NCKAP5: variants seen among roughly 807,000 people sequenced by gnomAD.
NCKAP5 encodes the protein NCK associated protein 5, also known as nck-associated protein 5.
Under a neutral mutation model 167.0 loss-of-function variants are expected in NCKAP5, and 92 were observed. That is an observed-to-expected ratio of 0.55 (90% confidence interval 0.47 to 0.66). The LOEUF (loss-of-function observed/expected upper bound fraction) is 0.66. Among genes scored for constraint, NCKAP5 ranks in the 30% least tolerant of loss-of-function variants. The pLI, the probability that NCKAP5 is intolerant of heterozygous loss-of-function variation, is 0.00. For missense variants in NCKAP5, 2,378 were observed against 2,315.0 expected (o/e 1.03, Z -0.56); for synonymous variants, 891 against 877.4 (o/e 1.02, Z -0.27).
At chr2:133,248,151 A>G (rs1004684668) in intron 4 of NCKAP5, among the ~76,000 whole-genome samples, 5 of 152,222 alleles carry the variant, frequency 3.3e-5, no homozygotes, top group African/African-American at 9.6e-5. Flanking sequence ...AGCTGGTCAC[A>G]CAACTTTCGT....
At chr2:132,814,029 T>C (rs1686083408) in intron 11 of NCKAP5, among the ~76,000 whole-genome samples, 1 of 152,240 alleles carries the variant, frequency 6.6e-6, no homozygotes, top group South Asian at 2.1e-4. Context: ...CTGGTTTTAC[T>C]AGGACAAGTT....
chr2:133,247,954 T>C (rs1281105055), intron 4 of NCKAP5, among the ~76,000 whole-genome samples: 5 of 152,228 alleles, frequency 3.3e-5, no homozygotes, highest in Non-Finnish European at 7.3e-5. Flanking sequence ...ATTAGCAGTC[T>C]CCCTGCCAAT....
chr2:133,112,552 C>T (rs540458315), intron 6 of NCKAP5, among the ~76,000 whole-genome samples: 1 of 152,190 alleles, frequency 6.6e-6, no homozygotes, highest in Admixed American at 6.5e-5. Flanking sequence ...TCACACACAC[C>T]CTCCAATGTC....
intron 16 of NCKAP5, among the ~76,000 whole-genome samples, chr2:132,739,006 A>G (rs1204677178): frequency 6.6e-6 from 1 of 152,222 alleles, no homozygotes; most frequent in Non-Finnish European, 1.5e-5. Flanking sequence ...TCCAAACTAT[A>G]TAAACTATGC....
intron 3 of NCKAP5, among the ~76,000 whole-genome samples, chr2:133,327,997 T>C (rs1056882016): frequency 1.3e-5 from 2 of 152,096 alleles, no homozygotes; most frequent in Admixed American, 1.3e-4. Flanking sequence ...CCCCAAGTAG[T>C]GCCCAGGTTG....
At chr2:133,090,855 C>G (rs1429844096) in intron 6 of NCKAP5, among the ~76,000 whole-genome samples, 1 of 152,172 alleles carries the variant, frequency 6.6e-6, no homozygotes, top group Non-Finnish European at 1.5e-5. Context: ...CTTCCCTCCA[C>G]TCCACTGTCC....
chr2:132,883,174 C>G (rs1240016185), intron 8 of NCKAP5, among the ~76,000 whole-genome samples: 1 of 149,074 alleles, frequency 6.7e-6, no homozygotes, highest in East Asian at 2.1e-4. Flanking sequence ...TGTACTCCAG[C>G]CTGGGCGACA....
At chr2:132,972,810 C>T (rs1367906838) in intron 7 of NCKAP5, among the ~76,000 whole-genome samples, 1 of 151,276 alleles carries the variant, frequency 6.6e-6, no homozygotes, top group East Asian at 1.9e-4. Context: ...TTGCAGTGAG[C>T]CAATATTACA....
chr2:132,726,132 A>T (rs1690437974), intron 18 of NCKAP5, among the ~76,000 whole-genome samples: 1 of 152,186 alleles, frequency 6.6e-6, no homozygotes, highest in African/African-American at 2.4e-5. Flanking sequence ...TCCAAACCTA[A>T]TGGCTTATTT....
At position 132,916,456 on chromosome 2, in the gene NCKAP5, A is replaced by T. The variant is rs79944228; in HGVS notation, c.580-37540T>A. Among the ~76,000 whole-genome samples the T allele has an allele frequency of 4.7e-3, 710 of 152,218 alleles. 6 individuals carry two copies. The highest frequency in any genetic ancestry group is 0.014 in the Middle Eastern group (4 of 294). ...GGAAAGGTTCCACTGTGACATTACTAACAATCACGTTACAAAAAGGCTTGT... is the reference window on the plus strand; with the variant it reads ...GGAAAGGTTCCACTGTGACATTACTTACAATCACGTTACAAAAAGGCTTGT... On this transcript the variant is annotated intron_variant, in intron 8 of 19. Coordinates refer to ENST00000409261, the MANE Select transcript of NCKAP5 (RefSeq NM_207363.3).
At chr2:133,660,621 A>G in the NCKAP5 span, among the ~76,000 whole-genome samples, 1 of 152,204 alleles carries the variant, frequency 6.6e-6, no homozygotes, top group Non-Finnish European at 1.5e-5. Context: ...TTGCCCAAAG[A>G]TGGATTATGA....
chr2:132,723,140 A>ATT (rs869234028), intron 19 of NCKAP5, among the ~76,000 whole-genome samples: 1,281 of 93,328 alleles, frequency 0.014, 39 homozygotes, highest in African/African-American at 0.042. Context: ...GCCAGGTGGT[A>ATT]TTTTTTTTTT....
At chr2:133,574,537 G>A in the NCKAP5 span, among the ~76,000 whole-genome samples, 1 of 151,986 alleles carries the variant, frequency 6.6e-6, no homozygotes, top group Non-Finnish European at 1.5e-5. Flanking sequence ...ACAAAAATGG[G>A]AGTGGTGGCA....
At chr2:133,435,522 G>C (rs189634710) in intron 3 of NCKAP5, among the ~76,000 whole-genome samples, 6 of 152,306 alleles carry the variant, frequency 3.9e-5, no homozygotes, top group Non-Finnish European at 7.3e-5. Context: ...AGGGCTCACT[G>C]TACTCTAGGT....
chr2:133,203,003 C>A (rs2085769572), intron 5 of NCKAP5, among the ~76,000 whole-genome samples: 1 of 150,094 alleles, frequency 6.7e-6, no homozygotes. Context: ...GGATCTAGAA[C>A]TAGAAACACC....
chr2:133,006,495 T>G (rs1264269758), intron 6 of NCKAP5, among the ~76,000 whole-genome samples: 1 of 152,216 alleles, frequency 6.6e-6, no homozygotes, highest in Non-Finnish European at 1.5e-5. Flanking sequence ...TTTCAAGATC[T>G]GTATGGGAGT....
chr2:132,780,198 CT>C (rs1445651680), intron 15 of NCKAP5, among the ~76,000 whole-genome samples: 1 of 152,222 alleles, frequency 6.6e-6, no homozygotes, highest in Non-Finnish European at 1.5e-5. Context: ...GTCGCCCAGG[CT>C]GGAGTGCAGT....
At chr2:133,318,720 C>G (rs1273286688) in intron 3 of NCKAP5, among the ~76,000 whole-genome samples, 4 of 152,128 alleles carry the variant, frequency 2.6e-5, no homozygotes, top group Admixed American at 6.5e-5. Flanking sequence ...GCCCAGGGCC[C>G]CTGTCTCTGT....
chr2:132,926,876 T>C (rs1695940662), intron 8 of NCKAP5, among the ~76,000 whole-genome samples: 2 of 152,232 alleles, frequency 1.3e-5, no homozygotes, highest in South Asian at 4.1e-4. Flanking sequence ...TTTAGTTTTA[T>C]TAAGTCCCAT....
Sources: gnomAD v4.1 joint callset for allele counts (sites outside exome capture counted in the v4.1 genomes callset) on GRCh38, gnomAD v4.1.1 for gene constraint, MANE v1.5 for transcripts, NCBI Gene and HGNC (gene_info 2026-07-23, HGNC 2026-07-21) for gene names.